Variants in NTRK3 observed in about 807,000 individuals in gnomAD.
NTRK3 encodes the protein NT-3 growth factor receptor.
NTRK3 carries 24 observed loss-of-function variants against 91.7 expected under a neutral mutation model. That is an observed-to-expected ratio of 0.26 (90% CI 0.19 to 0.37). NTRK3 has a LOEUF of 0.37. Among genes scored for constraint, NTRK3 ranks in the 10% least tolerant of loss-of-function variants. The pLI is 1.00. For synonymous variants in NTRK3, 483 were observed against 404.0 expected, an observed-to-expected ratio of 1.20 and a Z score of -2.34; for missense variants, 880 against 1,068.9, an observed-to-expected ratio of 0.82 and a Z score of 2.46.
intron 14 of NTRK3, among the ~76,000 whole-genome samples, chr15:87,990,489 G>T (rs1367523545): frequency 4.0e-5 from 6 of 151,828 alleles, no homozygotes; most frequent in Non-Finnish European, 8.8e-5. Flanking sequence ...ATCTTGTTTT[G>T]GGGCCCAGCC....
intron 14 of NTRK3, among the ~76,000 whole-genome samples, chr15:88,005,100 G>C (rs2076393434): frequency 6.6e-6 from 1 of 152,158 alleles, no homozygotes; most frequent in Non-Finnish European, 1.5e-5. Context: ...ACCTGCATTT[G>C]TTTTCCCTCT....
chr15:88,026,074 A>G (rs1000574132), intron 14 of NTRK3, among the ~76,000 whole-genome samples: 2 of 152,216 alleles, frequency 1.3e-5, no homozygotes, highest in Admixed American at 6.5e-5. Context: ...GATTGAGACC[A>G]TCCTTGCTAA....
At chr15:87,929,526 C>A in intron 16 of NTRK3, 92 bp from the exon 17 acceptor site, 1 of 1,464,348 alleles carries the variant, frequency 6.8e-7, no homozygotes, top group Non-Finnish European at 9.2e-7. Flanking sequence ...TGGAATGCCC[C>A]ACAGAAATAA....
At chr15:88,014,411 A>G (rs547350035) in intron 14 of NTRK3, among the ~76,000 whole-genome samples, 2 of 152,318 alleles carry the variant, frequency 1.3e-5, no homozygotes, top group Admixed American at 6.5e-5. Context: ...TTCCTCATCT[A>G]CTAAACGAAA....
chr15:87,921,843 ATGCC>A (rs370508344), intron 17 of NTRK3, among the ~76,000 whole-genome samples: 1 of 152,228 alleles, frequency 6.6e-6, no homozygotes, highest in African/African-American at 2.4e-5. Flanking sequence ...CTGAGCTGGA[ATGCC>A]TAATCTTGCT....
intron 13 of NTRK3, among the ~76,000 whole-genome samples, chr15:88,034,017 T>G (rs558892042): frequency 1.3e-5 from 2 of 152,164 alleles, no homozygotes; most frequent in East Asian, 3.9e-4. Flanking sequence ...GTGAGTCCCA[T>G]TTACAATCAG....
chr15:88,110,279 T>C (rs749870373), intron 13 of NTRK3, among the ~76,000 whole-genome samples: 1 of 152,086 alleles, frequency 6.6e-6, no homozygotes, highest in Non-Finnish European at 1.5e-5. Context: ...GGTGGGATCT[T>C]AGGAAAAGGC....
intron 13 of NTRK3, among the ~76,000 whole-genome samples, chr15:88,045,501 C>T (rs1015629114): frequency 1.3e-5 from 2 of 152,208 alleles, no homozygotes; most frequent in African/African-American, 2.4e-5. Flanking sequence ...ACAAAATATA[C>T]GTTGCCCCAA....
intron 3 of NTRK3, among the ~76,000 whole-genome samples, chr15:88,239,352 A>G (rs1004530855): frequency 1.3e-4 from 19 of 151,414 alleles, no homozygotes. Context: ...CAGCCTGAAC[A>G]TGAACAGCTC....
intron 15 of NTRK3, among the ~76,000 whole-genome samples, chr15:87,935,586 G>GA (rs1472326861): frequency 6.6e-6 from 1 of 152,092 alleles, no homozygotes; most frequent in Non-Finnish European, 1.5e-5. Flanking sequence ...AGAAGAAGGG[G>GA]AAAAAACTGA....
intron 5 of NTRK3, among the ~76,000 whole-genome samples, chr15:88,173,130 C>T (rs984660959): frequency 3.9e-5 from 6 of 152,114 alleles, no homozygotes; most frequent in South Asian, 2.1e-4. Flanking sequence ...ACAATAAAGG[C>T]GCCACTCAGT....
At chr15:88,222,121 G>A (rs1358117128) in intron 3 of NTRK3, among the ~76,000 whole-genome samples, 2 of 152,214 alleles carry the variant, frequency 1.3e-5, no homozygotes, top group Non-Finnish European at 1.5e-5. Flanking sequence ...CAGAGGGACT[G>A]TTTGCCAACT....
chr15:87,869,879 A>G (rs1370222332), exon 19 of NTRK3: 2 of 191,780 alleles, frequency 1.0e-5, no homozygotes, highest in Non-Finnish European at 2.2e-5. Context: ...AACATATTAC[A>G]AAATTAGTTT....
intron 14 of NTRK3, among the ~76,000 whole-genome samples, chr15:88,013,797 G>A (rs550082545): frequency 1.3e-5 from 2 of 152,104 alleles, no homozygotes; most frequent in African/African-American, 2.4e-5. Context: ...AGCCCAGGTA[G>A]CAGGCGTGGT....
chr15:87,943,871 T>C (rs2142047766), intron 14 of NTRK3, among the ~76,000 whole-genome samples: 2 of 152,058 alleles, frequency 1.3e-5, no homozygotes, highest in Admixed American at 1.3e-4. Flanking sequence ...AGAGGGCAAG[T>C]GACCATATTA....
intron 9 of NTRK3, 139 bp from the exon 10 acceptor site, chr15:88,135,536 A>G: frequency 1.0e-6 from 1 of 984,942 alleles, no homozygotes; most frequent in South Asian, 1.4e-5. Flanking sequence ...GTCCCACCAC[A>G]ATCCCAGCAG....
intron 14 of NTRK3, among the ~76,000 whole-genome samples, chr15:88,026,744 G>A (rs2078075280): frequency 6.6e-6 from 1 of 152,192 alleles, no homozygotes; most frequent in Admixed American, 6.5e-5. Flanking sequence ...GGACTTAAAG[G>A]AAATATGTGG....
chr15:88,021,389 T>C (rs1395701411), intron 14 of NTRK3, among the ~76,000 whole-genome samples: 2 of 152,140 alleles, frequency 1.3e-5, no homozygotes, highest in Non-Finnish European at 2.9e-5. Flanking sequence ...ATGGGATCCA[T>C]TGAAACATCT....
intron 14 of NTRK3, among the ~76,000 whole-genome samples, chr15:87,970,053 T>C (rs1567166350): frequency 6.6e-6 from 1 of 152,196 alleles, no homozygotes; most frequent in Non-Finnish European, 1.5e-5. Flanking sequence ...ATTTGGGGCA[T>C]CTGTCCAGGC....
Sources: gnomAD v4.1 joint callset for allele counts (sites outside exome capture counted in the v4.1 genomes callset) on GRCh38, gnomAD v4.1.1 for gene constraint, MANE v1.5 for transcripts, NCBI Gene and HGNC (gene_info 2026-07-23, HGNC 2026-07-21) for gene names.